Variants in THSD4 observed in about 807,000 individuals in gnomAD.
THSD4 encodes thrombospondin type-1 domain-containing protein 4.
In THSD4, 69 loss-of-function variants were observed where a neutral mutation model predicts 119.0. The ratio of observed to expected loss-of-function variants is 0.58; its 90% CI spans 0.48 to 0.71. The LOEUF (loss-of-function observed/expected upper bound fraction) is 0.71. THSD4 is among the 30% of genes least tolerant of loss of function. The pLI is 0.00. For synonymous variants in THSD4, 524 were observed against 540.4 expected, an observed-to-expected ratio of 0.97 and a Z score of 0.42; for missense variants, 1,393 against 1,391.1, an observed-to-expected ratio of 1.00 and a Z score of -0.02.
At chr15:71,321,272 A>AATCCC (rs762721569) in intron 6 of THSD4, among the ~76,000 whole-genome samples, 9,297 of 152,270 alleles carry the variant, frequency 0.061, 293 homozygotes, top group African/African-American at 0.078. Context: ...GCGGTGGCTC[A>AATCCC]AGCCTGTAAT....
At chr15:71,617,264 A>C (rs899958768) in intron 7 of THSD4, among the ~76,000 whole-genome samples, 1 of 152,230 alleles carries the variant, frequency 6.6e-6, no homozygotes, top group African/African-American at 2.4e-5. Context: ...CCAGAAACGA[A>C]TTAATGGAAG....
intron 7 of THSD4, among the ~76,000 whole-genome samples, chr15:71,504,773 A>C (rs1465766683): frequency 6.6e-6 from 1 of 152,166 alleles, no homozygotes; most frequent in East Asian, 1.9e-4. Flanking sequence ...ACTATTAACT[A>C]AATTCTAGAC....
At chr15:71,397,130 G>C (rs2046464327) in intron 6 of THSD4, among the ~76,000 whole-genome samples, 1 of 152,194 alleles carries the variant, frequency 6.6e-6, no homozygotes, top group South Asian at 2.1e-4. Context: ...CCAGGTATCA[G>C]CTTGTGCTTT....
chr15:71,160,226 G>T (rs2043238532), intron 3 of THSD4, among the ~76,000 whole-genome samples: 1 of 151,212 alleles, frequency 6.6e-6, no homozygotes, highest in African/African-American at 2.4e-5. Flanking sequence ...TTTGCGTCTT[G>T]TTGAGAATTT....
At chr15:71,192,858 C>T (rs1225905832) in intron 3 of THSD4, among the ~76,000 whole-genome samples, 1 of 152,064 alleles carries the variant, frequency 6.6e-6, no homozygotes, top group Non-Finnish European at 1.5e-5. Flanking sequence ...CTAAGGTGCC[C>T]GGATTCCCTA....
intron 1 of THSD4, among the ~76,000 whole-genome samples, chr15:71,134,568 C>T (rs34343035): frequency 0.11 from 16,065 of 152,288 alleles, 1,141 homozygotes; most frequent in East Asian, 0.41. Flanking sequence ...CCCATTCATT[C>T]GTTCATCCAT....
At chr15:71,512,070 G>A (rs2048291653) in intron 7 of THSD4, among the ~76,000 whole-genome samples, 1 of 152,162 alleles carries the variant, frequency 6.6e-6, no homozygotes, top group South Asian at 2.1e-4. Flanking sequence ...CTTCTCTGGA[G>A]ACCGAGTTTT....
intron 6 of THSD4, among the ~76,000 whole-genome samples, chr15:71,329,392 G>A (rs1303740486): frequency 6.6e-6 from 1 of 152,194 alleles, no homozygotes; most frequent in Non-Finnish European, 1.5e-5. Flanking sequence ...TCAAGTTGGA[G>A]AGAAAGGTTG....
intron 8 of THSD4, among the ~76,000 whole-genome samples, chr15:71,690,144 A>C (rs1361087820): frequency 2.0e-5 from 3 of 152,256 alleles, no homozygotes; most frequent in Non-Finnish European, 4.4e-5. Context: ...TGATCTTTGC[A>C]GAAGGGCCAT....
Position 71,748,524 on chromosome 15 carries a change from C to T in THSD4, c.2345C>T (p.Pro782Leu), listed in dbSNP as rs1247906400. The change falls in exon 14 of 18, where the codon CCG (proline) becomes CTG (leucine). Residue 782 changes from proline to leucine, a missense_variant. Coordinates refer to ENST00000261862, the MANE Select transcript of THSD4 (RefSeq NM_024817.3). ...DDEECNMKLR[P>L]NDIENCDMGP... ...GAGGAATGCAACATGAAGCTCCGGC[C>T]GAATGACATTGAGAACTGCGACATG... 6.8e-6 allele frequency: 11 copies of T among 1,614,032 alleles called. No individual in the cohort carries two copies. The highest frequency in any genetic ancestry group is 1.6e-4 in the Middle Eastern group (1 of 6,084).
At chr15:71,491,001 T>C (rs1305515706) in intron 7 of THSD4, among the ~76,000 whole-genome samples, 1 of 152,184 alleles carries the variant, frequency 6.6e-6, no homozygotes, top group African/African-American at 2.4e-5. Context: ...TAACACAACA[T>C]AAAAGTGAAC....
chr15:71,480,027 C>T (rs992456320), intron 7 of THSD4, among the ~76,000 whole-genome samples: 3 of 151,726 alleles, frequency 2.0e-5, no homozygotes, highest in African/African-American at 7.3e-5. Context: ...TTGTAACTTC[C>T]TTCCTTTCCT....
intron 3 of THSD4, among the ~76,000 whole-genome samples, chr15:71,181,844 T>C (rs571853044): frequency 6.6e-6 from 1 of 152,342 alleles, no homozygotes; most frequent in South Asian, 2.1e-4. Context: ...TGTTGTTAAC[T>C]CTTGCCTCCT....
intron 6 of THSD4, among the ~76,000 whole-genome samples, chr15:71,276,993 G>A (rs558871171): frequency 4.7e-4 from 72 of 152,198 alleles, no homozygotes; most frequent in Admixed American, 7.9e-4. Context: ...TTTAAAAACT[G>A]GATCATCTGA....
At chr15:71,662,347 C>T (rs2140999263) in intron 8 of THSD4, among the ~76,000 whole-genome samples, 1 of 152,238 alleles carries the variant, frequency 6.6e-6, no homozygotes, top group South Asian at 2.1e-4. Context: ...TTTGACAAAA[C>T]CCAGGAGCCA....
intron 7 of THSD4, among the ~76,000 whole-genome samples, chr15:71,502,229 G>A (rs2048122885): frequency 6.6e-6 from 1 of 152,170 alleles, no homozygotes; most frequent in African/African-American, 2.4e-5. Flanking sequence ...GTGCATCTAG[G>A]TATTGGATCT....
chr15:71,731,036 C>A (rs2052967457), intron 9 of THSD4, 85 bp from the exon 10 acceptor site: 2 of 1,277,884 alleles, frequency 1.6e-6, no homozygotes, highest in South Asian at 2.5e-5. Context: ...CCAGTCATTT[C>A]TCAGTAGTTC....
At chr15:71,479,276 G>T (rs1052167024) in intron 7 of THSD4, among the ~76,000 whole-genome samples, 1 of 145,794 alleles carries the variant, frequency 6.9e-6, no homozygotes, top group Non-Finnish European at 1.5e-5. Context: ...TTCCCATTAG[G>T]CTTAAATAAC....
chr15:71,765,194 A>C lies in THSD4; in HGVS notation c.2764A>C (p.Ser922Arg). 2 of 1,613,844 alleles carry C rather than the reference A, an allele frequency of 1.2e-6. No individual in the cohort carries two copies. Among genetic ancestry groups the C allele is most frequent in the Non-Finnish European group, 1.7e-6 (2 of 1,179,834 alleles). Residue 922 changes from serine (S) to arginine (R), a missense_variant, in exon 16 of 18, where the codon AGC becomes CGC. Ser to Arg is a moderately radical substitution (Grantham distance 110). Coordinates refer to ENST00000261862, the MANE Select transcript of THSD4 (RefSeq NM_024817.3). ...AGCCAAATGGTTTAGCACCGAATGG[A>C]GCATGGTAAGTCATGGTGCTCTTGA... The part of the protein sequence containing the change: ...CGAKWFSTEW[S>R]MCSKSCQGGF...
Sources: gnomAD v4.1 joint callset for allele counts (sites outside exome capture counted in the v4.1 genomes callset) on GRCh38, gnomAD v4.1.1 for gene constraint, MANE v1.5 for transcripts, NCBI Gene and HGNC (gene_info 2026-07-23, HGNC 2026-07-21) for gene names.